The following PMPCA variants were observed in gnomAD, a reference collection of about 807,000 sequenced individuals.
PMPCA encodes the protein peptidase, mitochondrial processing subunit alpha.
In PMPCA, 47 loss-of-function variants were observed where a neutral mutation model predicts 59.3. The observed-to-expected ratio is 0.79, with a 90% CI of 0.63 to 1.01. The LOEUF is 1.01. PMPCA is among the 50% of genes least tolerant of loss of function. The pLI is 0.00. For synonymous variants in PMPCA, 338 were observed against 290.3 expected (o/e 1.16, Z -1.67); for missense variants, 726 against 704.5 (o/e 1.03, Z -0.34).
intron 6 of PMPCA, 29 bp from the exon 7 acceptor site, chr9:136,416,922 C>T (rs527351401): frequency 2.0e-5 from 32 of 1,582,682 alleles, no homozygotes; most frequent in African/African-American, 1.9e-4. Context: ...TGTCTTCAGT[C>T]ACCTGTGTCT....
At chr9:136,410,791 T>C (rs775442099) in intron 1 of PMPCA, 52 bp downstream of exon 1, 3 of 1,322,864 alleles carry the variant, frequency 2.3e-6, no homozygotes, top group East Asian at 5.7e-5. Flanking sequence ...GGCTCGAGTC[T>C]TTCTGGACGC....
rs1835217461 is a variant in PMPCA at position 136,414,467 on chromosome 9, C to T, written c.438-86C>T. Reference sequence around the variant, plus strand: ...GAGCTCAGGGCCTGGCATTGTCCACCTGGCACGCAAAGCCCGAGCGTCCCC... The same window carrying T: ...GAGCTCAGGGCCTGGCATTGTCCACTTGGCACGCAAAGCCCGAGCGTCCCC... On this transcript the variant is annotated intron_variant, in intron 4 of 12. Coordinates refer to ENST00000371717, the MANE Select transcript of PMPCA (RefSeq NM_015160.3). 3 of 876,904 alleles carry T rather than the reference C, an allele frequency of 3.4e-6. No homozygotes were observed. In the Admixed American group the frequency reaches 5.2e-5, roughly 15 times the overall value. 54.3% of individuals were successfully genotyped at this position (876,904 alleles called of 1,614,324 possible). A position where few individuals can be genotyped will look rare whatever the true frequency, so the allele number is the denominator to read the frequency against.
At chr9:136,417,623 C>T (rs889706107) in intron 7 of PMPCA, among the ~76,000 whole-genome samples, 5 of 152,062 alleles carry the variant, frequency 3.3e-5, no homozygotes, top group African/African-American at 7.2e-5. Context: ...CCACCACGCC[C>T]GGCTAAATTT....
At chr9:136,411,619 C>T (rs1835119007) in intron 1 of PMPCA, among the ~76,000 whole-genome samples, 1 of 152,164 alleles carries the variant, frequency 6.6e-6, no homozygotes, top group African/African-American at 2.4e-5. Flanking sequence ...AGACAGAGGC[C>T]AAGTCACACC....
In PMPCA at chr9:136,422,380, C is replaced by A. The variant is rs180875234; in HGVS notation, c.1408+404C>A. On this transcript the variant is annotated intron_variant, in intron 12 of 12. Coordinates refer to ENST00000371717, the MANE Select transcript of PMPCA (RefSeq NM_015160.3). ...TGGCTCTCGGGCAGGAGTCTCAGCC[C>A]CAGGTTTCCGGGGCCCCCATGAGTG... 5.3e-6 allele frequency: 6 copies of A among 1,130,898 alleles called. No individual in the cohort carries two copies. In the East Asian group the frequency reaches 4.1e-4, roughly 76 times the overall value. 70.1% of individuals were successfully genotyped at this position (1,130,898 alleles called of 1,614,324 possible). A position where few individuals can be genotyped will look rare whatever the true frequency, so the allele number is the denominator to read the frequency against.
At position 136,414,458 on chromosome 9, in the gene PMPCA, A is replaced by G. The variant is rs565089788; in HGVS notation, c.438-95A>G. On this transcript the variant is annotated intron_variant, in intron 4 of 12. Coordinates refer to ENST00000371717, the MANE Select transcript of PMPCA (RefSeq NM_015160.3). ...GCAGAGTGTGAGCTCAGGGCCTGGC[A>G]TTGTCCACCTGGCACGCAAAGCCCG... is the stretch of plus-strand genomic sequence containing the variant. The G allele has an allele frequency of 2.4e-3, 1,946 of 817,708 alleles. 7 individuals are homozygous for G. The highest frequency in any genetic ancestry group is 3.4e-3 in the Non-Finnish European group (1,612 of 470,084). The allele number at this position is 817,708 out of a possible 1,614,324, so 50.7% of individuals were successfully genotyped here.
chr9:136,422,754 A>T (rs1008131441), intron 12 of PMPCA: 2 of 1,109,544 alleles, frequency 1.8e-6, no homozygotes. Flanking sequence ...CCTTCTGTCC[A>T]TGCGGCCCTC....
chr9:136,419,539 T>G, intron 11 of PMPCA: 1 of 259,580 alleles, frequency 3.9e-6, no homozygotes, highest in Non-Finnish European at 7.6e-6. Flanking sequence ...TCTCGAGCCT[T>G]TCCCTGGCTC....
chr9:136,420,039 C>T (rs1835404755), intron 11 of PMPCA: 1 of 150,732 alleles, frequency 6.6e-6, no homozygotes, highest in South Asian at 2.1e-4. Context: ...AGTGCAGTGG[C>T]ATGATCTCAG....
chr9:136,414,370 C>T (rs978240138), intron 4 of PMPCA, among the ~76,000 whole-genome samples, 183 bp from the exon 5 acceptor site: 1 of 151,734 alleles, frequency 6.6e-6, no homozygotes, highest in African/African-American at 2.4e-5. Flanking sequence ...GAAATGTCTG[C>T]TGGGCCCCAA....
Position 136,412,207 on chromosome 9 carries a change from C to T in PMPCA, c.274+8C>T. The T allele has an allele frequency of 6.2e-7, 1 of 1,602,334 alleles. No homozygotes were observed. The highest frequency in any genetic ancestry group is 8.6e-7 in the Non-Finnish European group (1 of 1,169,376). On this transcript the variant is annotated splice_region_variant and intron_variant, in intron 2 of 12. Coordinates refer to ENST00000371717, the MANE Select transcript of PMPCA (RefSeq NM_015160.3). ...AGTTTTGTACAGTAGGAAGTAAGTA[C>T]TGTTGTGTTGTCGTGGGTGGTCCCG...
In PMPCA at chr9:136,421,844, C is replaced by G; in HGVS notation, c.1276C>G (p.Arg426Gly). ...GGTVDTVELE[R>G]AKTQLTSMLM... Reference sequence around the variant, plus strand: ...ACCCTGGCCCCAGGTGGAGCTGGAACGAGCCAAGACGCAGCTGACATCAAT... The same window carrying G: ...ACCCTGGCCCCAGGTGGAGCTGGAAGGAGCCAAGACGCAGCTGACATCAAT... The change falls in exon 12 of 13, where the codon CGA becomes GGA. Residue 426 changes from arginine (R) to glycine (G), a missense_variant. Arg to Gly is a moderately radical substitution (Grantham distance 125). Transcript: ENST00000371717. The G allele has an allele frequency of 3.8e-6, 6 of 1,589,960 alleles. No homozygotes were observed. The highest frequency in any genetic ancestry group is 5.2e-6 in the Non-Finnish European group (6 of 1,163,930).
rs1835143401 is a variant in PMPCA, at chr9:136,412,129, A to G, written c.204A>G (p.Lys68=). The G allele has an allele frequency of 1.2e-6, 2 of 1,613,782 alleles. No individual in the cohort carries two copies. The highest frequency in any genetic ancestry group is 8.5e-7 in the Non-Finnish European group (1 of 1,179,764). Residue 68 remains lysine (K), a synonymous_variant, in exon 2 of 13, where the codon AAA becomes AAG. Coordinates refer to ENST00000371717, the MANE Select transcript of PMPCA (RefSeq NM_015160.3). ...TVDGQEKFET[K]VTTLDNGLRV... ...ATGGACAGGAAAAGTTTGAAACCAA[A>G]GTAACCACATTGGATAATGGGCTTC... is the stretch of plus-strand genomic sequence containing the variant.
intron 11 of PMPCA, chr9:136,420,061 C>T (rs921362791): frequency 6.6e-6 from 1 of 150,948 alleles, no homozygotes; most frequent in African/African-American, 2.4e-5. Flanking sequence ...TCACTGCATC[C>T]TTCCACCTCC....
At position 136,410,698 on chromosome 9, in the gene PMPCA, G is replaced by C. The variant is rs773702555; in HGVS notation, c.30G>C (p.Arg10=). 1.4e-6 allele frequency: 2 copies of C among 1,418,224 alleles called. No individual in the cohort carries two copies. The highest frequency in any genetic ancestry group is 1.9e-4 in the Middle Eastern group (1 of 5,374). 87.9% of individuals were successfully genotyped at this position (1,418,224 alleles called of 1,614,324 possible). A position where few individuals can be genotyped will look rare whatever the true frequency, so the allele number is the denominator to read the frequency against. Residue 10 remains arginine, a synonymous_variant, in exon 1 of 13, where the codon CGG becomes CGC. Coordinates refer to ENST00000371717, the MANE Select transcript of PMPCA (RefSeq NM_015160.3). The part of the protein sequence containing the change: MAAVVLAAT[R]LLRGSGSWGC... The stretch of plus-strand genomic sequence containing the variant: ...CGGCTGTGGTGCTGGCGGCGACGCG[G>C]TTGCTGCGGGGCTCGGGTTCTTGGG...
At chr9:136,418,236 C>T (rs1361447947) in intron 8 of PMPCA, 127 bp downstream of exon 8, 4 of 733,394 alleles carry the variant, frequency 5.5e-6, no homozygotes, top group African/African-American at 1.7e-5. Context: ...CAGCTCTGCC[C>T]TCTGTCCCTG....
At position 136,423,319 on chromosome 9, in the gene PMPCA, G is replaced by A; in HGVS notation, c.*55G>A. 1.3e-6 allele frequency: 2 copies of A among 1,552,904 alleles called. No homozygotes were observed. The highest frequency in any genetic ancestry group is 1.7e-6 in the Non-Finnish European group (2 of 1,142,860). ...AGCTGCAGCTGGAGCCCGTTCCCGT[G>A]CGTGTTAGTTTGGACACGAATTTAG... On this transcript the variant is annotated 3_prime_UTR_variant, in exon 13 of 13. Transcript: ENST00000371717.
At chr9:136,418,771 C>T in intron 9 of PMPCA, 57 bp from the exon 10 acceptor site, 1 of 1,525,662 alleles carries the variant, frequency 6.6e-7, no homozygotes, top group Non-Finnish European at 9.1e-7. Context: ...TCTCCAGTTT[C>T]CCATGGCCTG....
chr9:136,419,411 A>C, intron 11 of PMPCA: 1 of 503,672 alleles, frequency 2.0e-6, no homozygotes, highest in Non-Finnish European at 3.6e-6. Flanking sequence ...GGGACTGACC[A>C]TGTGACTCTC....
Sources: allele counts gnomAD v4.1 joint callset (sites outside exome capture counted in the v4.1 genomes callset), GRCh38; gene constraint gnomAD v4.1.1; transcripts MANE v1.5; gene names NCBI Gene and HGNC (gene_info 2026-07-23, HGNC 2026-07-21).